CCDC91: variants seen among roughly 807,000 people sequenced by gnomAD.
The protein encoded by CCDC91 is coiled-coil domain-containing protein 91.
CCDC91 carries 48 observed loss-of-function variants against 63.2 expected under a neutral mutation model. That is an observed-to-expected ratio of 0.76 (90% confidence interval 0.60 to 0.97). CCDC91 has a LOEUF of 0.97. Among genes scored for constraint, CCDC91 ranks in the 50% least tolerant of loss-of-function variants. CCDC91 has a pLI of 0.00. For synonymous variants in CCDC91, 167 were observed against 165.8 expected (o/e 1.01, Z -0.06); for missense variants, 500 against 494.6 (o/e 1.01, Z -0.10).
intron 7 of CCDC91, among the ~76,000 whole-genome samples, chr12:28,385,020 G>GA (rs147215478): frequency 4.0e-5 from 6 of 151,404 alleles, no homozygotes; most frequent in Admixed American, 6.6e-5. Context: ...GCTTGTACCA[G>GA]AAAAAAAACA....
At chr12:28,315,364 C>T (rs1939751219) in intron 6 of CCDC91, among the ~76,000 whole-genome samples, 1 of 151,820 alleles carries the variant, frequency 6.6e-6, no homozygotes, top group African/African-American at 2.4e-5. Flanking sequence ...TGCGGTCTCA[C>T]CATGTTCACC....
chr12:28,350,108 G>T (rs1320120158), intron 6 of CCDC91, among the ~76,000 whole-genome samples: 2 of 151,800 alleles, frequency 1.3e-5, no homozygotes, highest in Non-Finnish European at 1.5e-5. Context: ...TTAGTCTTTT[G>T]TTTTCTCAAC....
At chr12:28,234,152 T>G (rs1944779559) in intron 1 of CCDC91, among the ~76,000 whole-genome samples, 1 of 152,146 alleles carries the variant, frequency 6.6e-6, no homozygotes. Flanking sequence ...TATAAAAATA[T>G]TTTTGGCTAA....
At chr12:28,286,025 C>T (rs892549651) in intron 3 of CCDC91, among the ~76,000 whole-genome samples, 10 of 151,902 alleles carry the variant, frequency 6.6e-5, no homozygotes, top group Admixed American at 6.6e-4. Flanking sequence ...TAATGTAGAA[C>T]TGGGATGTGA....
intron 8 of CCDC91, among the ~76,000 whole-genome samples, chr12:28,435,714 T>G (rs1948867168): frequency 6.6e-6 from 1 of 151,818 alleles, no homozygotes; most frequent in Non-Finnish European, 1.5e-5. Context: ...GTATTGAAGT[T>G]TCCAACTATA....
At chr12:28,451,411 T>C (rs1392914008) in intron 10 of CCDC91, among the ~76,000 whole-genome samples, 2 of 151,616 alleles carry the variant, frequency 1.3e-5, no homozygotes, top group East Asian at 3.9e-4. Flanking sequence ...GTGGACAAGT[T>C]GTATACTGCT....
At chr12:28,317,681 A>T (rs1940040915) in intron 6 of CCDC91, among the ~76,000 whole-genome samples, 1 of 151,736 alleles carries the variant, frequency 6.6e-6, no homozygotes, top group Non-Finnish European at 1.5e-5. Context: ...TTATTTTTTA[A>T]TTTTTTTAGA....
chr12:28,385,983 T>A (rs543160774), intron 7 of CCDC91, among the ~76,000 whole-genome samples: 4 of 152,138 alleles, frequency 2.6e-5, no homozygotes, highest in Non-Finnish European at 4.4e-5. Flanking sequence ...TTTCTATGAG[T>A]TTATAATATA....
At chr12:28,260,297 A>G (rs567628136) in intron 3 of CCDC91, among the ~76,000 whole-genome samples, 1 of 152,102 alleles carries the variant, frequency 6.6e-6, no homozygotes, top group Admixed American at 6.6e-5. Context: ...AAATATATGT[A>G]TATGTTTATA....
rs116348973 is a variant in CCDC91 at position 28,197,608 on chromosome 12, C to G, written c.-15+6967C>G. Among the ~76,000 whole-genome samples, 789 of 152,202 alleles carry G rather than the reference C, an allele frequency of 5.2e-3. 11 individuals carry two copies. The highest frequency in any genetic ancestry group is 0.016 in the African/African-American group (679 of 41,552). The stretch of plus-strand genomic sequence containing the variant: ...GTAAGTGGTAGAGCTTGAGTTTGTT[C>G]ACAAGTCTTCCTGAATCTGTGCTTT... On this transcript the variant is annotated intron_variant, in intron 1 of 12. Transcript: ENST00000536442.
chr12:28,546,231 T>C (rs11049710), intron 12 of CCDC91, among the ~76,000 whole-genome samples: 31,268 of 152,016 alleles, frequency 0.21, 4,218 homozygotes, highest in Non-Finnish European at 0.3. Flanking sequence ...CTCAAAATAA[T>C]ATACCGCTGA....
intron 8 of CCDC91, among the ~76,000 whole-genome samples, chr12:28,410,652 G>A (rs1378651536): frequency 6.6e-6 from 1 of 152,190 alleles, no homozygotes; most frequent in East Asian, 1.9e-4. Flanking sequence ...CTCCTGAGTA[G>A]CTGGGACTAT....
At chr12:28,524,132 T>A (rs534568444) in intron 12 of CCDC91, among the ~76,000 whole-genome samples, 2 of 152,230 alleles carry the variant, frequency 1.3e-5, no homozygotes, top group Admixed American at 6.6e-5. Flanking sequence ...CTTTTCTGAT[T>A]GCTCTGACTA....
intron 11 of CCDC91, among the ~76,000 whole-genome samples, chr12:28,468,984 C>T (rs1424727708): frequency 6.6e-6 from 1 of 151,902 alleles, no homozygotes; most frequent in African/African-American, 2.4e-5. Context: ...GGGTATCATA[C>T]TGAATGGGGA....
intron 3 of CCDC91, among the ~76,000 whole-genome samples, chr12:28,283,336 C>A (rs1565729504): frequency 1.3e-5 from 2 of 151,694 alleles, no homozygotes; most frequent in Non-Finnish European, 2.9e-5. Flanking sequence ...TTCTTCCTAT[C>A]CATGAATATG....
chr12:28,324,844 C>T (rs186611628), intron 6 of CCDC91, among the ~76,000 whole-genome samples: 249 of 151,618 alleles, frequency 1.6e-3, no homozygotes, highest in African/African-American at 5.8e-3. Context: ...CCATCTAGAC[C>T]GTAAGAACCA....
chr12:28,376,866 T>C (rs1944979859), intron 7 of CCDC91, among the ~76,000 whole-genome samples: 1 of 149,070 alleles, frequency 6.7e-6, no homozygotes, highest in Non-Finnish European at 1.5e-5. Flanking sequence ...CCAAAGGAAG[T>C]ATTTAGTTGA....
intron 11 of CCDC91, among the ~76,000 whole-genome samples, chr12:28,468,737 A>T (rs1277814765): frequency 6.6e-6 from 1 of 152,084 alleles, no homozygotes; most frequent in Non-Finnish European, 1.5e-5. Context: ...ATGATTATTC[A>T]TCATGACCAA....
chr12:28,426,926 A>G (rs1008201138), intron 8 of CCDC91, among the ~76,000 whole-genome samples: 4 of 152,110 alleles, frequency 2.6e-5, no homozygotes, highest in African/African-American at 9.7e-5. Context: ...TTTTAATGTA[A>G]ATTTGGCTAA....
Sources: gnomAD v4.1 joint callset for allele counts (sites outside exome capture counted in the v4.1 genomes callset) on GRCh38, gnomAD v4.1.1 for gene constraint, MANE v1.5 for transcripts, NCBI Gene and HGNC (gene_info 2026-07-23, HGNC 2026-07-21) for gene names.